PHLDB2: variants seen among roughly 807,000 people sequenced by gnomAD.
PHLDB2 encodes pleckstrin homology-like domain family B member 2.
Under a neutral mutation model 123.6 loss-of-function variants are expected in PHLDB2, and 71 were observed. The observed-to-expected ratio is 0.57, with a 90% CI of 0.47 to 0.70. PHLDB2 has a LOEUF of 0.70. Ranked by LOEUF, PHLDB2 falls within the 30% of genes least tolerant of loss-of-function variation. The pLI is 0.00. For missense variants in PHLDB2, 1,446 were observed against 1,519.5 expected, an observed-to-expected ratio of 0.95 and a Z score of 0.80; for synonymous variants, 547 against 541.6, an observed-to-expected ratio of 1.01 and a Z score of -0.14.
At chr3:111,751,850 T>A (rs1048735212) in intron 1 of PHLDB2, among the ~76,000 whole-genome samples, 3 of 151,962 alleles carry the variant, frequency 2.0e-5, no homozygotes, top group South Asian at 2.1e-4. Flanking sequence ...ATAATAAAAA[T>A]TTTTTAAAAA....
At chr3:111,961,457 A>G (rs4682066) in intron 12 of PHLDB2, among the ~76,000 whole-genome samples, 84,807 of 152,026 alleles carry the variant, frequency 0.56, 24,605 homozygotes, top group African/African-American at 0.66. Flanking sequence ...AAAAGAAGAG[A>G]GCTAGGGTAA....
At chr3:111,858,325 G>C (rs2064614397), upstream of PHLDB2, among the ~76,000 whole-genome samples, 1 of 151,970 alleles carries the variant, frequency 6.6e-6, no homozygotes, top group Non-Finnish European at 1.5e-5. Flanking sequence ...CAAGGGGAGG[G>C]AGAGCATTAG....
intron 2 of PHLDB2, among the ~76,000 whole-genome samples, chr3:111,891,368 A>G (rs968421867): frequency 1.1e-3 from 164 of 152,202 alleles, no homozygotes; most frequent in African/African-American, 3.9e-3. Flanking sequence ...CAGTGGTGGC[A>G]TTGGATTTTC....
At chr3:111,772,922 G>A (rs1275294684) in intron 1 of PHLDB2, among the ~76,000 whole-genome samples, 1 of 152,160 alleles carries the variant, frequency 6.6e-6, no homozygotes, top group African/African-American at 2.4e-5. Context: ...TCTTCACAGA[G>A]ACGTGAGAAT....
At chr3:111,929,365 G>A (rs1399050102) in intron 5 of PHLDB2, among the ~76,000 whole-genome samples, 1 of 151,976 alleles carries the variant, frequency 6.6e-6, no homozygotes, top group Non-Finnish European at 1.5e-5. Flanking sequence ...AAATATTATT[G>A]TGCCTATTGC....
chr3:111,811,011 A>G (rs572129808), intron 1 of PHLDB2, among the ~76,000 whole-genome samples: 20 of 152,322 alleles, frequency 1.3e-4, no homozygotes, highest in Non-Finnish European at 2.8e-4. Context: ...TACATGCTCC[A>G]TGAACCCCCT....
intron 2 of PHLDB2, among the ~76,000 whole-genome samples, chr3:111,902,720 C>T (rs1227681119): frequency 5.3e-5 from 8 of 152,058 alleles, no homozygotes; most frequent in Admixed American, 2.6e-4. Flanking sequence ...TTCAGTGCAA[C>T]CTCCGCCTCC....
chr3:111,969,850 C>A lies in PHLDB2; in HGVS notation c.3476C>A (p.Thr1159Lys). 2 of 1,614,012 alleles carry A rather than the reference C, an allele frequency of 1.2e-6. No individual in the cohort carries two copies. The highest frequency in any genetic ancestry group is 1.7e-6 in the Non-Finnish European group (2 of 1,179,914). The change falls in exon 16 of 18, where the codon ACG (threonine) becomes AAG (lysine). Residue 1159 changes from threonine to lysine, a missense_variant. This residue lies in a region of PHLDB2 where 594 missense variants were observed against 646.0 expected (regional missense o/e 0.92). Coordinates refer to ENST00000431670, the MANE Select transcript of PHLDB2 (RefSeq NM_001134438.2). Reference sequence around the variant, plus strand: ...ATCAAAATGGGTGGGAAAATTAAAACGTGGAAAAAACGTTGGTTTGTTTTT... The same window carrying A: ...ATCAAAATGGGTGGGAAAATTAAAAAGTGGAAAAAACGTTGGTTTGTTTTT... ...FLIKMGGKIK[T>K]WKKRWFVFDR...
intron 10 of PHLDB2, among the ~76,000 whole-genome samples, chr3:111,949,349 TC>T (rs2070554419): frequency 6.6e-6 from 1 of 152,150 alleles, no homozygotes; most frequent in East Asian, 1.9e-4. Context: ...GCACTCTAAC[TC>T]AACTTAGTTT....
In PHLDB2 at chr3:111,916,922, G is replaced by T. The variant is rs1166318594; in HGVS notation, c.1720-2150G>T. On this transcript the variant is annotated intron_variant, in intron 3 of 17. Transcript: ENST00000431670. ...TTATTAAAACATGTCACTGTTAGTAGATTCCTGTCCATTACTGGAAAAAAA... is the reference window on the plus strand; with the variant it reads ...TTATTAAAACATGTCACTGTTAGTATATTCCTGTCCATTACTGGAAAAAAA... The T allele has an allele frequency of 2.0e-5, 3 of 152,076 alleles. No individual in the cohort carries two copies. In the South Asian group the frequency reaches 6.2e-4, roughly 31 times the overall value. 9.4% of individuals were successfully genotyped at this position (152,076 alleles called of 1,614,324 possible). A position where few individuals can be genotyped will look rare whatever the true frequency, so the allele number is the denominator to read the frequency against.
chr3:111,738,070 T>A (rs1008230858), intron 1 of PHLDB2, among the ~76,000 whole-genome samples: 2 of 152,184 alleles, frequency 1.3e-5, no homozygotes, highest in African/African-American at 4.8e-5. Flanking sequence ...CAAGGAGATG[T>A]ACTTTTAATT....
chr3:111,840,748 C>T (rs142471614), intron 1 of PHLDB2, among the ~76,000 whole-genome samples: 82 of 152,288 alleles, frequency 5.4e-4, no homozygotes, highest in Middle Eastern at 3.4e-3. Flanking sequence ...TTAGACGAAC[C>T]TACTCAAAAG....
At chr3:111,875,820 CAAA>C (rs34846400) in intron 1 of PHLDB2, among the ~76,000 whole-genome samples, 15 of 115,008 alleles carry the variant, frequency 1.3e-4, no homozygotes, top group Non-Finnish European at 9.2e-5. Flanking sequence ...AAGACTGTCT[CAAA>C]AAAAAAAAAA....
chr3:111,885,055 T>A lies in PHLDB2; in HGVS notation c.978T>A (p.Ser326Arg). 6.2e-7 allele frequency: 1 copy of A among 1,614,206 alleles called. No homozygotes were observed. Residue 326 changes from serine to arginine, a missense_variant, in exon 2 of 18, where the codon AGT becomes AGA. Physicochemically the swap from Ser to Arg is moderately radical, Grantham distance 110. Coordinates refer to ENST00000431670, the MANE Select transcript of PHLDB2 (RefSeq NM_001134438.2). ...TSASEGNPYV[S>R]STLSVPASPR... ...CTTCTGAAGGCAATCCTTATGTAAG[T>A]TCTACCCTCAGTGTCCCTGCCAGTC...
chr3:111,948,017 G>T (rs2070432471), intron 9 of PHLDB2, among the ~76,000 whole-genome samples: 1 of 152,100 alleles, frequency 6.6e-6, no homozygotes, highest in African/African-American at 2.4e-5. Context: ...AATCATGATT[G>T]GTCTGTATAA....
chr3:111,837,822 A>T (rs889542763), intron 1 of PHLDB2, among the ~76,000 whole-genome samples: 1 of 152,180 alleles, frequency 6.6e-6, no homozygotes, highest in Admixed American at 6.5e-5. Flanking sequence ...GCAGGAGGAT[A>T]ACTTGAAGCC....
At chr3:111,881,513 C>T (rs1034564879) in intron 1 of PHLDB2, among the ~76,000 whole-genome samples, 2 of 152,136 alleles carry the variant, frequency 1.3e-5, no homozygotes, top group Non-Finnish European at 2.9e-5. Flanking sequence ...TGAATACCTG[C>T]AACACTTGAG....
rs1374527388 is a variant in PHLDB2 at position 111,974,490 on chromosome 3, C to T, written c.3689C>T (p.Ser1230Leu). The change falls in exon 18 of 18, where the codon TCG becomes TTG. Residue 1230 changes from serine (S) to leucine (L), a missense_variant. Physicochemically the swap from Ser to Leu is moderately radical, Grantham distance 145. Transcript: ENST00000431670. Reference protein sequence around the residue: ...HDRIYYMVAPSPEAMRIWMDV... With the variant: ...HDRIYYMVAPLPEAMRIWMDV... ...AGAATCTATTATATGGTAGCCCCAT[C>T]GCCAGAAGCCATGCGGATCTGGATG... 15 of 1,613,508 alleles carry T rather than the reference C, an allele frequency of 9.3e-6. No homozygotes were observed. Among genetic ancestry groups the T allele is most frequent in the Non-Finnish European group, 1.3e-5 (15 of 1,179,596 alleles).
At chr3:111,947,071 G>A (rs1023499238) in intron 9 of PHLDB2, among the ~76,000 whole-genome samples, 5 of 152,172 alleles carry the variant, frequency 3.3e-5, no homozygotes, top group African/African-American at 4.8e-5. Flanking sequence ...GAAGTAGATG[G>A]TAAGCACCTT....
Sources: gnomAD v4.1 joint callset for allele counts (sites outside exome capture counted in the v4.1 genomes callset) on GRCh38, gnomAD v4.1.1 for gene constraint, gnomAD v4.1.1 regional missense constraint, MANE v1.5 for transcripts, NCBI Gene and HGNC (gene_info 2026-07-23, HGNC 2026-07-21) for gene names.